Variants in POLDIP3 observed in about 807,000 individuals in gnomAD.
POLDIP3 encodes the protein DNA polymerase delta interacting protein 3, also known as polymerase delta-interacting protein 3.
In POLDIP3, 14 loss-of-function variants were observed where a neutral mutation model predicts 45.1. That is an observed-to-expected ratio of 0.31 (90% CI 0.20 to 0.49). The LOEUF (loss-of-function observed/expected upper bound fraction) is 0.49, where lower values mean the gene tolerates loss of function less well. POLDIP3 is among the 20% of genes least tolerant of loss of function. The pLI is 0.99. For missense variants in POLDIP3, 511 were observed against 538.8 expected, an observed-to-expected ratio of 0.95 and a Z score of 0.51; for synonymous variants, 223 against 205.2, an observed-to-expected ratio of 1.09 and a Z score of -0.74.
At chr22:42,590,542 GAA>G (rs150170674) in intron 7 of POLDIP3, among the ~76,000 whole-genome samples, 2,717 of 152,154 alleles carry the variant, frequency 0.018, 75 homozygotes, top group African/African-American at 0.062. Context: ...TCTAAACGTA[GAA>G]AAAATACAGT....
intron 3 of POLDIP3, among the ~76,000 whole-genome samples, chr22:42,601,004 AG>A (rs1926330883): frequency 6.6e-6 from 1 of 151,838 alleles, no homozygotes; most frequent in South Asian, 2.1e-4. Context: ...CTGAGGTGGG[AG>A]GATCATTTGA....
intron 6 of POLDIP3, among the ~76,000 whole-genome samples, chr22:42,593,716 G>C (rs753956282): frequency 6.6e-6 from 1 of 152,226 alleles, no homozygotes; most frequent in South Asian, 2.1e-4. Context: ...ACAGGGTTTT[G>C]CCATGTTGGC....
At chr22:42,606,931 G>A (rs1247221125) in intron 1 of POLDIP3, among the ~76,000 whole-genome samples, 1 of 152,208 alleles carries the variant, frequency 6.6e-6, no homozygotes, top group East Asian at 1.9e-4. Context: ...TGGGTCAAGA[G>A]TAAACAGCAG....
chr22:42,596,453 T>C (rs1231490725), intron 4 of POLDIP3, 88 bp from the exon 5 acceptor site: 11 of 1,309,296 alleles, frequency 8.4e-6, no homozygotes, highest in East Asian at 2.4e-5. Flanking sequence ...GCTGAGAGCA[T>C]GAACCCTCGA....
At chr22:42,586,421 A>G (rs888506834) in intron 8 of POLDIP3, among the ~76,000 whole-genome samples, 5 of 152,058 alleles carry the variant, frequency 3.3e-5, no homozygotes, top group African/African-American at 9.7e-5. Flanking sequence ...TCGATCTTCC[A>G]GGCTCAAGCG....
At chr22:42,588,336 T>A (rs1478754882) in intron 7 of POLDIP3, among the ~76,000 whole-genome samples, 3 of 151,370 alleles carry the variant, frequency 2.0e-5, no homozygotes, top group African/African-American at 7.3e-5. Context: ...GCGCCTGTAG[T>A]CCCAGCTACT....
At position 42,585,496 on chromosome 22, in the gene POLDIP3, G is replaced by A. The variant is rs1386982506; in HGVS notation, c.*295C>T. ...CAGAGAATTCAGTGTACCATTTCCA[G>A]ATAAGAAATCAGCTTGGGGCTGAGG... On this transcript the variant is annotated 3_prime_UTR_variant, in exon 9 of 9. Transcript: ENST00000252115. 10 of 418,974 alleles carry A rather than the reference G, an allele frequency of 2.4e-5. 2 individuals are homozygous for A. Among genetic ancestry groups the A allele is most frequent in the South Asian group, 2.0e-4 (9 of 44,218 alleles). 26.0% of individuals were successfully genotyped at this position (418,974 alleles called of 1,614,324 possible).
chr22:42,585,111 C>T lies in POLDIP3; in HGVS notation c.*680G>A. 1 of 437,194 alleles carries T rather than the reference C, an allele frequency of 2.3e-6. No individual in the cohort carries two copies. The highest frequency in any genetic ancestry group is 4.6e-6 in the Non-Finnish European group (1 of 218,182). 27.1% of individuals were successfully genotyped at this position (437,194 alleles called of 1,614,324 possible). A position where few individuals can be genotyped will look rare whatever the true frequency, so the allele number is the denominator to read the frequency against. On this transcript the variant is annotated 3_prime_UTR_variant, in exon 9 of 9. Coordinates refer to ENST00000252115, the MANE Select transcript of POLDIP3 (RefSeq NM_032311.5). ...AACTCAAGGAAAAGGGAAAGGTGAA[C>T]TCTGGAGAACTTCCTCTGGGTGGAG...
chr22:42,593,668 G>A (rs969520636), intron 6 of POLDIP3, among the ~76,000 whole-genome samples: 1 of 152,180 alleles, frequency 6.6e-6, no homozygotes, highest in Non-Finnish European at 1.5e-5. Context: ...ACAGGCACGT[G>A]CCACCACGCC....
intron 1 of POLDIP3, among the ~76,000 whole-genome samples, chr22:42,608,001 C>T (rs886480792): frequency 2.0e-5 from 3 of 151,790 alleles, no homozygotes; most frequent in Non-Finnish European, 1.5e-5. Context: ...CACCCAGCCA[C>T]CACCCCGTCT....
intron 3 of POLDIP3, among the ~76,000 whole-genome samples, chr22:42,600,198 G>A (rs765851419): frequency 1.3e-5 from 2 of 152,192 alleles, no homozygotes; most frequent in African/African-American, 2.4e-5. Flanking sequence ...AAAATGACAG[G>A]AAAATGGTTT....
At chr22:42,613,813 G>A (rs1355305578) in intron 1 of POLDIP3, among the ~76,000 whole-genome samples, 1 of 152,168 alleles carries the variant, frequency 6.6e-6, no homozygotes, top group African/African-American at 2.4e-5. Context: ...AAATGTCTGA[G>A]AAAACAATAT....
chr22:42,612,233 T>C lies in POLDIP3; in HGVS notation c.59+2566A>G, dbSNP rs1437780306. Among the ~76,000 whole-genome samples, 7 of 152,234 alleles carry C rather than the reference T, an allele frequency of 4.6e-5. No individual in the cohort carries two copies. In the East Asian group the frequency reaches 1.3e-3, roughly 29 times the overall value. The stretch of plus-strand genomic sequence containing the variant: ...CGTCTATCAAGCACTTAAGTACCCG[T>C]TGTCAGGAACTTTTCAATGCACTTC... On this transcript the variant is annotated intron_variant, in intron 1 of 8. Transcript: ENST00000252115.
At chr22:42,608,231 G>A (rs1011350993) in intron 1 of POLDIP3, among the ~76,000 whole-genome samples, 1 of 151,016 alleles carries the variant, frequency 6.6e-6, no homozygotes. Context: ...TCTGCCTTGG[G>A]ATGCTGTTAA....
At chr22:42,589,242 C>T (rs983140868) in intron 7 of POLDIP3, among the ~76,000 whole-genome samples, 1 of 64,670 alleles carries the variant, frequency 1.5e-5, no homozygotes, top group Non-Finnish European at 3.0e-5. Context: ...GACTCCGTCT[C>T]AAAAAAAAAA....
rs1301450278 is a variant in POLDIP3 at position 42,584,751 on chromosome 22, G to A, written c.*1040C>T. On this transcript the variant is annotated 3_prime_UTR_variant, in exon 9 of 9. Coordinates refer to ENST00000252115, the MANE Select transcript of POLDIP3 (RefSeq NM_032311.5). ...AATCCTCTGGTCATGGATGGATGGG[G>A]TCACTCACATAAGTGGGAACAAACA... is the stretch of plus-strand genomic sequence containing the variant. 3 of 373,290 alleles carry A rather than the reference G, an allele frequency of 8.0e-6. No individual in the cohort carries two copies. The highest frequency in any genetic ancestry group is 2.1e-5 in the African/African-American group (1 of 47,180). 23.1% of individuals were successfully genotyped at this position (373,290 alleles called of 1,614,324 possible).
chr22:42,614,670 G>A (rs1022835069), intron 1 of POLDIP3, 129 bp downstream of exon 1: 2 of 1,029,144 alleles, frequency 1.9e-6, no homozygotes, highest in Non-Finnish European at 2.9e-6. Context: ...GCCGGCCAAT[G>A]AGGAGCGCGG....
intron 7 of POLDIP3, 85 bp from the exon 8 acceptor site, chr22:42,587,657 A>G (rs1363846327): frequency 7.6e-7 from 1 of 1,308,856 alleles, no homozygotes; most frequent in Admixed American, 1.7e-5. Context: ...TCCATTATCA[A>G]TGGTCAAAGC....
intron 1 of POLDIP3, among the ~76,000 whole-genome samples, chr22:42,604,540 A>G (rs535085074): frequency 3.0e-4 from 45 of 152,302 alleles, no homozygotes; most frequent in African/African-American, 1.0e-3. Context: ...TCTGCTGCAT[A>G]AACGAGTTCC....
Sources: gnomAD v4.1 joint callset for allele counts (sites outside exome capture counted in the v4.1 genomes callset) on GRCh38, gnomAD v4.1.1 for gene constraint, MANE v1.5 for transcripts, NCBI Gene and HGNC (gene_info 2026-07-23, HGNC 2026-07-21) for gene names.